BTNL9: variants seen among roughly 807,000 people sequenced by gnomAD.
BTNL9 encodes the protein butyrophilin like 9.
A neutral mutation model predicts 45.8 loss-of-function variants in BTNL9; 45 were observed. That is an observed-to-expected ratio of 0.98 (90% CI 0.77 to 1.26). The LOEUF (loss-of-function observed/expected upper bound fraction) is 1.26, where lower values mean the gene tolerates loss of function less well. BTNL9 is among the 50% of genes most tolerant of loss of function. BTNL9 has a pLI of 0.00. For missense variants in BTNL9, 784 were observed against 729.7 expected (o/e 1.07, Z -0.86); for synonymous variants, 346 against 330.8 (o/e 1.05, Z -0.50).
Position 181,053,397 on chromosome 5 carries a change from C to G in BTNL9, c.854-72C>G, listed in dbSNP as rs1582140452. On this transcript the variant is annotated intron_variant, in intron 5 of 10. Coordinates refer to ENST00000327705, the MANE Select transcript of BTNL9 (RefSeq NM_152547.5). This position sits in a 1 kb window ranked among gnomAD's most constrained non-coding sequence, Gnocchi z 6.5. ...GCCGCGGAGGCGCCTCCCCCCAGGA[C>G]GCGGCGCGGGAAGGCGGCCTGGAAG... 2 of 1,531,286 alleles carry G rather than the reference C, an allele frequency of 1.3e-6. No individual in the cohort carries two copies. Among genetic ancestry groups the G allele is most frequent in the Non-Finnish European group, 1.8e-6 (2 of 1,137,532 alleles). The allele number at this position is 1,531,286 out of a possible 1,614,324, so 94.9% of individuals were successfully genotyped here.
In BTNL9 at chr5:181,050,253, A is replaced by G. The variant is rs1561980412; in HGVS notation, c.620A>G (p.Asp207Gly). 1 of 1,614,130 alleles carries G rather than the reference A, an allele frequency of 6.2e-7. No individual in the cohort carries two copies. Among genetic ancestry groups the G allele is most frequent in the Admixed American group, 1.7e-5 (1 of 60,024 alleles). ...GAAGCCATCGTCTGGGATGCCCAGG[A>G]CCTGTTCAGTCTGGAAACATCTGTG... is the stretch of plus-strand genomic sequence containing the variant. ...EFEAIVWDAQ[D>G]LFSLETSVVV... Residue 207 changes from aspartate (D) to glycine (G), a missense_variant, in exon 4 of 11, where the codon GAC becomes GGC. Asp to Gly is a moderately conservative substitution (Grantham distance 94, BLOSUM62 -1). Coordinates refer to ENST00000327705, the MANE Select transcript of BTNL9 (RefSeq NM_152547.5). The surrounding 1 kb of genome is among the most constrained non-coding windows in gnomAD (Gnocchi z 4.9).
rs1452052085 is a variant in BTNL9 at position 181,053,540 on chromosome 5, G to C, written c.886+39G>C. ...GGGCGTTCTGCACGCACCTGCCCAAGTGCCAAAACCCGCCGTCATCTAAAG... is the reference window on the plus strand; with the variant it reads ...GGGCGTTCTGCACGCACCTGCCCAACTGCCAAAACCCGCCGTCATCTAAAG... On this transcript the variant is annotated intron_variant, in intron 6 of 10. Coordinates refer to ENST00000327705, the MANE Select transcript of BTNL9 (RefSeq NM_152547.5). This position sits in a 1 kb window ranked among gnomAD's most constrained non-coding sequence, Gnocchi z 6.5. 6.4e-7 allele frequency: 1 copy of C among 1,558,776 alleles called. No individual in the cohort carries two copies. Among genetic ancestry groups the C allele is most frequent in the South Asian group, 1.2e-5 (1 of 84,748 alleles).
intron 2 of BTNL9, among the ~76,000 whole-genome samples, chr5:181,045,835 A>T (rs1295983259): frequency 8.5e-6 from 1 of 117,274 alleles, no homozygotes; most frequent in Admixed American, 8.4e-5. Flanking sequence ...AGCCCTCAAC[A>T]CCTCCTCCAC....
At chr5:181,044,214 T>C (rs998991762) in intron 1 of BTNL9, among the ~76,000 whole-genome samples, 2 of 152,228 alleles carry the variant, frequency 1.3e-5, no homozygotes, top group African/African-American at 4.8e-5. Flanking sequence ...CTGATCCTTC[T>C]GCCTCTGCAT....
chr5:181,051,871 A>G (rs1406541146), intron 4 of BTNL9, among the ~76,000 whole-genome samples: 1 of 152,136 alleles, frequency 6.6e-6, no homozygotes, highest in Non-Finnish European at 1.5e-5. Flanking sequence ...AAATTTTTAG[A>G]TGGGTAAATG....
In BTNL9 at chr5:181,050,095, C is replaced by A. The variant is rs749591402; in HGVS notation, c.462C>A (p.Gly154=). 1.2e-6 allele frequency: 2 copies of A among 1,613,460 alleles called. No individual in the cohort carries two copies. The highest frequency in any genetic ancestry group is 1.7e-6 in the Non-Finnish European group (2 of 1,179,780). ...TCCTCCTGCCTCCACCAGGGCTGGG[C>A]TCAGACCCTCACCTCTCCCTTGAGG... ...ALWELEVAGL[G]SDPHLSLEGF... Residue 154 remains glycine, a synonymous_variant, in exon 4 of 11, where the codon GGC becomes GGA. Transcript: ENST00000327705. The surrounding 1 kb of genome is among the most constrained non-coding windows in gnomAD (Gnocchi z 4.9).
At chr5:181,056,676 AG>A in intron 9 of BTNL9, 1 of 711,510 alleles carries the variant, frequency 1.4e-6, no homozygotes. Flanking sequence ...TATAACTAGG[AG>A]GGGGACTGCT....
chr5:181,048,368 T>G (rs1477407058), intron 3 of BTNL9, 97 bp downstream of exon 3: 2 of 1,188,788 alleles, frequency 1.7e-6, no homozygotes, highest in African/African-American at 3.1e-5. Context: ...ATGTCGGTGA[T>G]TTTTAAAAAA....
chr5:181,050,788 G>A lies in BTNL9; in HGVS notation c.736+419G>A, dbSNP rs974979774. The stretch of plus-strand genomic sequence containing the variant: ...AAAGAAGTGCATCCTGTCACATCAC[G>A]TTAGAAGGTGGTAGGTGCAGCCGGG... On this transcript the variant is annotated intron_variant, in intron 4 of 10. Coordinates refer to ENST00000327705, the MANE Select transcript of BTNL9 (RefSeq NM_152547.5). The surrounding 1 kb of genome is among the most constrained non-coding windows in gnomAD (Gnocchi z 4.9). Among the ~76,000 whole-genome samples, 4 of 152,296 alleles carry A rather than the reference G, an allele frequency of 2.6e-5. No homozygotes were observed. The highest frequency in any genetic ancestry group is 1.9e-4 in the East Asian group (1 of 5,186).
At position 181,042,302 on chromosome 5, in the gene BTNL9, G is replaced by A. The variant is rs990298696; in HGVS notation, c.-24+1870G>A. 2.0e-5 allele frequency among the ~76,000 whole-genome samples: 3 copies of A among 152,150 alleles called. No individual in the cohort carries two copies. The highest frequency in any genetic ancestry group is 3.9e-4 in the East Asian group (2 of 5,194). ...TGGAGGACCCCTTTGTGGTCCTTGC[G>A]CACACTGGGTTTTCCTTCTTCCCCA... On this transcript the variant is annotated intron_variant, in intron 1 of 10. Transcript: ENST00000327705. This position sits in a 1 kb window ranked among gnomAD's most constrained non-coding sequence, Gnocchi z 4.5.
chr5:181,048,442 A>G (rs1437593352), intron 3 of BTNL9, among the ~76,000 whole-genome samples, 171 bp downstream of exon 3: 1 of 152,088 alleles, frequency 6.6e-6, no homozygotes, highest in Non-Finnish European at 1.5e-5. Context: ...TCACCAAAAA[A>G]TACACAAATA....
At chr5:181,045,742 C>A (rs1041223254) in intron 2 of BTNL9, 144 bp downstream of exon 2, 2 of 668,442 alleles carry the variant, frequency 3.0e-6, no homozygotes. Context: ...TGTTAAAGAG[C>A]CACTACCCCG....
At chr5:181,043,224 G>A (rs868160874) in intron 1 of BTNL9, among the ~76,000 whole-genome samples, 1 of 35,028 alleles carries the variant, frequency 2.9e-5, no homozygotes, top group African/African-American at 1.5e-4. Flanking sequence ...GCATCTGTGT[G>A]TGTGTCTATG....
Position 181,050,144 on chromosome 5 carries a change from C to T in BTNL9, c.511C>T (p.Leu171=). The part of the protein sequence containing the change: ...LEGFKEGGIQ[L]RLRSSGWYPK... ...GGGCTTCAAGGAAGGAGGCATTCAG[C>T]TGAGGCTCAGATCCAGTGGCTGGTA... Residue 171 remains leucine (L), a synonymous_variant, in exon 4 of 11, where the codon CTG becomes TTG. Transcript: ENST00000327705. The surrounding 1 kb of genome is among the most constrained non-coding windows in gnomAD (Gnocchi z 4.9). The T allele has an allele frequency of 6.2e-7, 1 of 1,614,120 alleles. No individual in the cohort carries two copies. The highest frequency in any genetic ancestry group is 8.5e-7 in the Non-Finnish European group (1 of 1,180,042).
At position 181,050,279 on chromosome 5, in the gene BTNL9, G is replaced by A. The variant is rs1310157457; in HGVS notation, c.646G>A (p.Val216Ile). Residue 216 changes from valine to isoleucine, a missense_variant, in exon 4 of 11, where the codon GTT (valine) becomes ATT (isoleucine). Val to Ile is a conservative substitution (Grantham distance 29). Coordinates refer to ENST00000327705, the MANE Select transcript of BTNL9 (RefSeq NM_152547.5). This position sits in a 1 kb window ranked among gnomAD's most constrained non-coding sequence, Gnocchi z 4.9. Reference protein sequence around the residue: ...QDLFSLETSVVVRAGALSNVS... With the variant: ...QDLFSLETSVIVRAGALSNVS... ...CCTGTTCAGTCTGGAAACATCTGTG[G>A]TTGTCCGAGCGGGAGCCCTCAGCAA... The A allele has an allele frequency of 6.2e-7, 1 of 1,614,140 alleles. No homozygotes were observed. The highest frequency in any genetic ancestry group is 1.3e-5 in the African/African-American group (1 of 75,050).
At chr5:181,043,936 G>A (rs1377240037) in intron 1 of BTNL9, among the ~76,000 whole-genome samples, 1 of 152,214 alleles carries the variant, frequency 6.6e-6, no homozygotes, top group Non-Finnish European at 1.5e-5. Flanking sequence ...TGTGTGAATC[G>A]TGTTCCAATA....
At position 181,055,019 on chromosome 5, in the gene BTNL9, G is replaced by A; in HGVS notation, c.908-414G>A. 1.0e-6 allele frequency: 1 copy of A among 985,458 alleles called. No individual in the cohort carries two copies. The highest frequency in any genetic ancestry group is 1.2e-6 in the Non-Finnish European group (1 of 829,940). 61.0% of individuals were successfully genotyped at this position (985,458 alleles called of 1,614,324 possible). On this transcript the variant is annotated intron_variant, in intron 7 of 10. Transcript: ENST00000327705. This position sits in a 1 kb window ranked among gnomAD's most constrained non-coding sequence, Gnocchi z 4.4. The stretch of plus-strand genomic sequence containing the variant: ...ATTATTTGGGGAAATAATTGGGTGT[G>A]ATGTCCTTCCAGTCCTTCAGATAAC...
chr5:181,041,588 T>G (rs1461216970), intron 1 of BTNL9, among the ~76,000 whole-genome samples: 1 of 152,226 alleles, frequency 6.6e-6, no homozygotes, highest in African/African-American at 2.4e-5. Flanking sequence ...TCCATAGTGA[T>G]TCGCCTGAGT....
In BTNL9 at chr5:181,053,446, T is replaced by G. The variant is rs774921727; in HGVS notation, c.854-23T>G. Reference sequence around the variant, plus strand: ...AGGGGCGGGGGCGCGCACTCAGCCCTCTCCGCTCCCGTTTCCCTTCAGAAA... The same window carrying G: ...AGGGGCGGGGGCGCGCACTCAGCCCGCTCCGCTCCCGTTTCCCTTCAGAAA... On this transcript the variant is annotated intron_variant, in intron 5 of 10. Coordinates refer to ENST00000327705, the MANE Select transcript of BTNL9 (RefSeq NM_152547.5). The surrounding 1 kb of genome is among the most constrained non-coding windows in gnomAD (Gnocchi z 6.5). 7 of 1,559,548 alleles carry G rather than the reference T, an allele frequency of 4.5e-6. No homozygotes were observed. Among genetic ancestry groups the G allele is most frequent in the Non-Finnish European group, 5.2e-6 (6 of 1,152,558 alleles).
Sources: allele counts gnomAD v4.1 joint callset (sites outside exome capture counted in the v4.1 genomes callset), GRCh38; gene constraint gnomAD v4.1.1; non-coding constraint Gnocchi (gnomAD v3.1); transcripts MANE v1.5; gene names NCBI Gene and HGNC (gene_info 2026-07-23, HGNC 2026-07-21).